Variants in H2AJ observed in about 807,000 individuals in gnomAD.
H2AJ encodes the protein histone H2A.J.
A neutral mutation model predicts 7.9 loss-of-function variants in H2AJ; 3 were observed. That is an observed-to-expected ratio of 0.38 (90% confidence interval 0.17 to 0.98). The LOEUF (loss-of-function observed/expected upper bound fraction) is 0.98, where lower values mean the gene tolerates loss of function less well. Among genes scored for constraint, H2AJ ranks in the 50% least tolerant of loss-of-function variants. The pLI is 0.39. For synonymous variants in H2AJ, 98 were observed against 85.7 expected, an observed-to-expected ratio of 1.14 and a Z score of -0.79; for missense variants, 128 against 174.4, an observed-to-expected ratio of 0.73 and a Z score of 1.50.
chr12:14,777,199 G>A (rs1949653153), downstream of H2AJ: 1 of 167,018 alleles, frequency 6.0e-6, no homozygotes, highest in Non-Finnish European at 1.5e-5. Context: ...TCTTGCTGAT[G>A]TGTGATTATG....
At chr12:14,775,072 AG>A, downstream of H2AJ, 2 of 623,040 alleles carry the variant, frequency 3.2e-6, no homozygotes, top group Non-Finnish European at 5.6e-6. Flanking sequence ...GGATGGCCCC[AG>A]GGGAGGGGGG....
rs761991089 is a variant in H2AJ, at chr12:14,774,541, T to C, written c.71T>C (p.Leu24Pro). 1.2e-6 allele frequency: 2 copies of C among 1,612,214 alleles called. No individual in the cohort carries two copies. Residue 24 changes from leucine (L) to proline (P), a missense_variant, in exon 1 of 1, where the codon CTG (leucine) becomes CCG (proline). By Grantham distance (98) the Leu-to-Pro change is moderately conservative (BLOSUM62 -3). Coordinates refer to ENST00000544848, the MANE Select transcript of H2AJ (RefSeq NM_177925.5). Reference sequence around the variant, plus strand: ...AAATCCCGCTCCTCCCGCGCGGGCCTGCAGTTCCCGGTGGGCCGAGTGCAC... The same window carrying C: ...AAATCCCGCTCCTCCCGCGCGGGCCCGCAGTTCCCGGTGGGCCGAGTGCAC... ...KAKSRSSRAG[L>P]QFPVGRVHRL...
Position 14,774,812 on chromosome 12 carries a change from C to G in H2AJ, c.342C>G (p.Ala114=). 1.2e-6 allele frequency: 2 copies of G among 1,614,222 alleles called. No homozygotes were observed. Among genetic ancestry groups the G allele is most frequent in the Non-Finnish European group, 1.7e-6 (2 of 1,180,040 alleles). Residue 114 remains alanine, a synonymous_variant, in exon 1 of 1, where the codon GCC becomes GCG. Coordinates refer to ENST00000544848, the MANE Select transcript of H2AJ (RefSeq NM_177925.5). ...AQGGVLPNIQ[A]VLLPKKTESQ... ...GCGGCGTCCTGCCCAACATCCAGGCCGTGCTGCTGCCCAAGAAGACGGAGA... is the reference window on the plus strand; with the variant it reads ...GCGGCGTCCTGCCCAACATCCAGGCGGTGCTGCTGCCCAAGAAGACGGAGA...
downstream of H2AJ, chr12:14,777,120 C>T (rs562475753): frequency 2.4e-5 from 4 of 167,004 alleles, no homozygotes; most frequent in African/African-American, 7.2e-5. Context: ...GAATAGTTTA[C>T]GGGCTGTTTA....
chr12:14,775,948 A>G (rs1949633741), downstream of H2AJ: 1 of 167,432 alleles, frequency 6.0e-6, no homozygotes, highest in Non-Finnish European at 1.5e-5. Context: ...GCAGGGGGAA[A>G]CACATTTCAG....
chr12:14,774,720 C>G lies in H2AJ; in HGVS notation c.250C>G (p.Leu84Val). The G allele has an allele frequency of 1.2e-6, 2 of 1,614,228 alleles. No homozygotes were observed. The highest frequency in any genetic ancestry group is 2.2e-5 in the East Asian group (1 of 44,870). The change falls in exon 1 of 1, where the codon CTG becomes GTG. Residue 84 changes from leucine to valine, a missense_variant. Coordinates refer to ENST00000544848, the MANE Select transcript of H2AJ (RefSeq NM_177925.5). ...GAAGACCAGGATAATTCCCCGCCAC[C>G]TGCAGCTCGCCATCCGCAACGACGA... ...NKKTRIIPRHLQLAIRNDEEL... is the reference protein window; with the variant it reads ...NKKTRIIPRHVQLAIRNDEEL...
downstream of H2AJ, chr12:14,776,531 T>A (rs895181363): frequency 1.8e-5 from 3 of 167,120 alleles, no homozygotes; most frequent in Non-Finnish European, 4.4e-5. Flanking sequence ...GATGTTCTGC[T>A]ATTTACTCTG....
At chr12:14,775,138 C>T (rs758147729), downstream of H2AJ, 2 of 512,442 alleles carry the variant, frequency 3.9e-6, no homozygotes, top group Non-Finnish European at 7.4e-6. Flanking sequence ...CCACTCTGGA[C>T]GGCTTTAGTC....
chr12:14,774,911 T>G lies in H2AJ; in HGVS notation c.*51T>G, dbSNP rs1377555585. The G allele has an allele frequency of 5.7e-6, 9 of 1,577,252 alleles. No homozygotes were observed. The highest frequency in any genetic ancestry group is 7.8e-6 in the Non-Finnish European group (9 of 1,161,062). On this transcript the variant is annotated 3_prime_UTR_variant, in exon 1 of 1. Coordinates refer to ENST00000544848, the MANE Select transcript of H2AJ (RefSeq NM_177925.5). ...GCTCCCCCAGCAAAGGCCCTTTTCA[T>G]GGTCGTCCCGCAATGCTTTTGAATG...
chr12:14,775,351 G>A (rs1949623585), downstream of H2AJ: 1 of 471,312 alleles, frequency 2.1e-6, no homozygotes, highest in Admixed American at 2.3e-5. Context: ...AGATACCGTC[G>A]GATCGAGCTG....
downstream of H2AJ, chr12:14,776,708 A>T (rs11612057): frequency 0.17 from 28,397 of 167,012 alleles, 2,673 homozygotes; most frequent in Non-Finnish European, 0.21. Context: ...AGGACTTTTT[A>T]AAAAATGCCT....
At chr12:14,777,034 C>T (rs1949650573), downstream of H2AJ, 1 of 167,264 alleles carries the variant, frequency 6.0e-6, no homozygotes, top group African/African-American at 2.4e-5. Flanking sequence ...CTTAGCATCC[C>T]CTCACATACT....
At chr12:14,777,246 A>G (rs1949653461), downstream of H2AJ, 2 of 167,118 alleles carry the variant, frequency 1.2e-5, no homozygotes, top group Admixed American at 6.5e-5. Flanking sequence ...GCATAAGACC[A>G]TATGGAAAAA....
In H2AJ at chr12:14,774,670, C is replaced by T. The variant is rs756686124; in HGVS notation, c.200C>T (p.Ala67Val). 6 of 1,614,068 alleles carry T rather than the reference C, an allele frequency of 3.7e-6. No homozygotes were observed. The highest frequency in any genetic ancestry group is 2.2e-5 in the East Asian group (1 of 44,888). The change falls in exon 1 of 1, where the codon GCT (alanine) becomes GTT (valine). Residue 67 changes from alanine to valine, a missense_variant. Ala to Val is a moderately conservative substitution (Grantham distance 64, BLOSUM62 0). Coordinates refer to ENST00000544848, the MANE Select transcript of H2AJ (RefSeq NM_177925.5). ...EYLTAEILEL[A>V]GNAARDNKKT... The stretch of plus-strand genomic sequence containing the variant: ...CTTACGGCGGAGATCCTGGAGCTGG[C>T]TGGCAACGCCGCGCGTGACAACAAG...
At chr12:14,775,027 T>A (rs1592206719), downstream of H2AJ, 1 of 799,968 alleles carries the variant, frequency 1.3e-6, no homozygotes, top group East Asian at 2.7e-5. Flanking sequence ...GAAAATCGTT[T>A]GGTCGAGAGA....
chr12:14,774,890 C>T lies in H2AJ; in HGVS notation c.*30C>T, dbSNP rs2137213170. The T allele has an allele frequency of 1.2e-6, 2 of 1,603,496 alleles. No homozygotes were observed. The highest frequency in any genetic ancestry group is 1.1e-5 in the South Asian group (1 of 90,064). ...GACGCCGCCCTCAGGGAGCTGGCTC[C>T]CCCAGCAAAGGCCCTTTTCATGGTC... On this transcript the variant is annotated 3_prime_UTR_variant, in exon 1 of 1. Coordinates refer to ENST00000544848, the MANE Select transcript of H2AJ (RefSeq NM_177925.5).
downstream of H2AJ, chr12:14,775,323 C>T (rs758178040): frequency 2.1e-6 from 1 of 471,672 alleles, no homozygotes; most frequent in South Asian, 1.5e-5. Context: ...TGTGAGCACT[C>T]AGGACCAAGT....
Position 14,774,659 on chromosome 12 carries a change from C to T in H2AJ, c.189C>T (p.Ile63=). The T allele has an allele frequency of 1.9e-6, 3 of 1,614,148 alleles. No homozygotes were observed. The highest frequency in any genetic ancestry group is 2.5e-6 in the Non-Finnish European group (3 of 1,180,012). Residue 63 remains isoleucine, a synonymous_variant, in exon 1 of 1, where the codon ATC becomes ATT. Transcript: ENST00000544848. ...AAVLEYLTAE[I]LELAGNAARD... ...TGTTGGAGTACCTTACGGCGGAGATCCTGGAGCTGGCTGGCAACGCCGCGC... is the reference window on the plus strand; with the variant it reads ...TGTTGGAGTACCTTACGGCGGAGATTCTGGAGCTGGCTGGCAACGCCGCGC...
downstream of H2AJ, chr12:14,775,214 CT>C: frequency 2.1e-6 from 1 of 483,726 alleles, no homozygotes; most frequent in South Asian, 1.6e-5. Flanking sequence ...AGCCACCTCG[CT>C]GTCAGTAGGG....
Sources: allele counts gnomAD v4.1 joint callset, GRCh38; gene constraint gnomAD v4.1.1; transcripts MANE v1.5; gene names NCBI Gene and HGNC (gene_info 2026-07-23, HGNC 2026-07-21).